The following EYS variants were observed in gnomAD, a reference collection of about 807,000 sequenced individuals.
EYS encodes protein eyes shut homolog.
A neutral mutation model predicts 282.1 loss-of-function variants in EYS; 250 were observed. The ratio of observed to expected loss-of-function variants is 0.89; its 90% CI spans 0.80 to 0.98. EYS has a LOEUF of 0.98. Among genes scored for constraint, EYS ranks in the 50% least tolerant of loss-of-function variants. The pLI, the probability that EYS is intolerant of heterozygous loss-of-function variation, is 0.00. For missense variants in EYS, 4,016 were observed against 3,709.0 expected, an observed-to-expected ratio of 1.08 and a Z score of -2.15; for synonymous variants, 1,355 against 1,282.9, an observed-to-expected ratio of 1.06 and a Z score of -1.20.
chr6:65,460,120 A>T (rs941950655), intron 5 of EYS, among the ~76,000 whole-genome samples: 1 of 149,074 alleles, frequency 6.7e-6, no homozygotes, highest in Admixed American at 6.7e-5. Flanking sequence ...ATATCCTCTA[A>T]GAGAAAAGAC....
intron 35 of EYS, among the ~76,000 whole-genome samples, chr6:63,901,110 A>G (rs1773647848): frequency 6.6e-6 from 1 of 151,872 alleles, no homozygotes; most frequent in Non-Finnish European, 1.5e-5. Flanking sequence ...TGTTATAAGT[A>G]TGTCCAAATA....
At chr6:64,198,106 C>T (rs1413072945) in intron 31 of EYS, among the ~76,000 whole-genome samples, 1 of 151,856 alleles carries the variant, frequency 6.6e-6, no homozygotes, top group Non-Finnish European at 1.5e-5. Flanking sequence ...CATTCTCCTG[C>T]CTCAGCCTCC....
Position 64,766,744 on chromosome 6 carries a change from C to G in EYS, c.3443+46634G>C, listed in dbSNP as rs1162728462. 2.2e-5 allele frequency among the ~76,000 whole-genome samples: 3 copies of G among 138,374 alleles called. No individual in the cohort carries two copies. The East Asian group carries it at 6.3e-4, about 29-fold the overall frequency. 90.8% of individuals were successfully genotyped at this position (138,374 alleles called of 152,430 possible). On this transcript the variant is annotated intron_variant, in intron 22 of 42. Coordinates refer to ENST00000503581, the MANE Select transcript of EYS (RefSeq NM_001142800.2). Reference sequence around the variant, plus strand: ...GAGAAACAAATACGAGATGATTTCACAGACAAACTTAGAGTGAAATGTATT... The same window carrying G: ...GAGAAACAAATACGAGATGATTTCAGAGACAAACTTAGAGTGAAATGTATT...
chr6:64,055,166 A>G (rs889093020), intron 33 of EYS, among the ~76,000 whole-genome samples: 3 of 152,124 alleles, frequency 2.0e-5, no homozygotes, highest in Non-Finnish European at 2.9e-5. Flanking sequence ...CTTCAAAGAC[A>G]TTTGCCCCAG....
At chr6:65,487,365 T>G (rs1446971526) in intron 5 of EYS, among the ~76,000 whole-genome samples, 1 of 152,192 alleles carries the variant, frequency 6.6e-6, no homozygotes, top group Non-Finnish European at 1.5e-5. Flanking sequence ...CCTAGTTTAT[T>G]GAGAGTTTTT....
At chr6:65,392,119 T>C (rs1424301904) in intron 7 of EYS, among the ~76,000 whole-genome samples, 1 of 152,132 alleles carries the variant, frequency 6.6e-6, no homozygotes, top group Admixed American at 6.6e-5. Flanking sequence ...GCTAGCCATA[T>C]GGAGAAAGCT....
At chr6:65,143,240 A>T (rs1281897842) in intron 12 of EYS, among the ~76,000 whole-genome samples, 1 of 149,536 alleles carries the variant, frequency 6.7e-6, no homozygotes, top group African/African-American at 2.5e-5. Context: ...ATATTCCTTA[A>T]AAGCATTATA....
At chr6:65,401,910 G>A (rs1168143622) in intron 7 of EYS, among the ~76,000 whole-genome samples, 1 of 151,840 alleles carries the variant, frequency 6.6e-6, no homozygotes. Context: ...AATGATGTGA[G>A]AAAATGTCTA....
intron 6 of EYS, 27 bp downstream of exon 6, chr6:65,405,147 T>G: frequency 1.3e-6 from 2 of 1,554,538 alleles, no homozygotes; most frequent in Non-Finnish European, 1.8e-6. Context: ...TTAAAACCAC[T>G]CACTTATATG....
At chr6:64,216,416 G>C (rs1765928803) in intron 31 of EYS, among the ~76,000 whole-genome samples, 1 of 152,180 alleles carries the variant, frequency 6.6e-6, no homozygotes, top group East Asian at 1.9e-4. Flanking sequence ...TGATGTCAGA[G>C]AATGTGCCTA....
intron 29 of EYS, among the ~76,000 whole-genome samples, chr6:64,348,359 AT>A (rs1026407898): frequency 2.0e-5 from 3 of 151,254 alleles, no homozygotes; most frequent in African/African-American, 4.8e-5. Flanking sequence ...ATAATGTTGG[AT>A]TTTTTTTCCA....
intron 5 of EYS, among the ~76,000 whole-genome samples, chr6:65,418,228 A>G (rs1361883398): frequency 2.0e-5 from 3 of 152,112 alleles, no homozygotes; most frequent in Admixed American, 1.3e-4. Flanking sequence ...TTCCAGTTAG[A>G]AAAGTAATTT....
chr6:65,505,494 A>G (rs2127281352), intron 2 of EYS, among the ~76,000 whole-genome samples: 1 of 151,998 alleles, frequency 6.6e-6, no homozygotes, highest in African/African-American at 2.4e-5. Context: ...AGCTTAAGTT[A>G]TTGATTATAG....
intron 6 of EYS, among the ~76,000 whole-genome samples, chr6:65,404,113 A>G: frequency 6.6e-6 from 1 of 152,006 alleles, no homozygotes; most frequent in Non-Finnish European, 1.5e-5. Context: ...TGTTCCCCTG[A>G]CTTTTCTAGC....
chr6:64,045,383 GTTTAT>G (rs548483513), intron 33 of EYS, among the ~76,000 whole-genome samples: 14,146 of 137,304 alleles, frequency 0.1, 1,477 homozygotes, highest in African/African-American at 0.27. Context: ...GGTGAAACAA[GTTTAT>G]TTTATTTTAT....
At chr6:64,010,669 T>C (rs1408905764) in intron 33 of EYS, among the ~76,000 whole-genome samples, 1 of 152,220 alleles carries the variant, frequency 6.6e-6, no homozygotes, top group Non-Finnish European at 1.5e-5. Context: ...TCTCTCTTTT[T>C]GTGTACTCCC....
At chr6:64,060,033 A>G (rs773259432) in intron 33 of EYS, among the ~76,000 whole-genome samples, 143 of 152,268 alleles carry the variant, frequency 9.4e-4, no homozygotes, top group African/African-American at 2.5e-3. Context: ...CAAACTTTCC[A>G]TATTGACATG....
chr6:64,047,031 G>T (rs1272959105), intron 33 of EYS, among the ~76,000 whole-genome samples: 9 of 152,002 alleles, frequency 5.9e-5, no homozygotes, highest in African/African-American at 2.2e-4. Context: ...TGATAACATG[G>T]GACACCAAGG....
intron 5 of EYS, among the ~76,000 whole-genome samples, chr6:65,425,775 CAA>C (rs1767636628): frequency 6.6e-6 from 1 of 152,016 alleles, no homozygotes; most frequent in South Asian, 2.1e-4. Flanking sequence ...TCATCTTTGC[CAA>C]AGTCTCTTCC....
Sources: gnomAD v4.1 joint callset for allele counts (sites outside exome capture counted in the v4.1 genomes callset) on GRCh38, gnomAD v4.1.1 for gene constraint, MANE v1.5 for transcripts, NCBI Gene and HGNC (gene_info 2026-07-23, HGNC 2026-07-21) for gene names.